SFMBT1: variants seen among roughly 807,000 people sequenced by gnomAD.
The protein encoded by SFMBT1 is Scm like with four mbt domains 1.
In SFMBT1, 32 loss-of-function variants were observed where a neutral mutation model predicts 108.7. The observed-to-expected ratio is 0.29, with a 90% CI of 0.22 to 0.40. The LOEUF (loss-of-function observed/expected upper bound fraction) is 0.40, where lower values mean the gene tolerates loss of function less well. SFMBT1 is among the 10% of genes least tolerant of loss of function. The pLI is 1.00. For synonymous variants in SFMBT1, 348 were observed against 369.5 expected, an observed-to-expected ratio of 0.94 and a Z score of 0.67; for missense variants, 816 against 1,059.6, an observed-to-expected ratio of 0.77 and a Z score of 3.19.
At chr3:52,949,568 C>CTTTTTTT (rs59842273) in intron 3 of SFMBT1, among the ~76,000 whole-genome samples, 8 of 77,390 alleles carry the variant, frequency 1.0e-4, no homozygotes, top group Admixed American at 1.4e-4. Context: ...TAATGTCCTT[C>CTTTTTTT]TTTTTTTTTT....
chr3:53,020,618 G>C (rs180778834), intron 1 of SFMBT1, among the ~76,000 whole-genome samples: 1 of 152,052 alleles, frequency 6.6e-6, no homozygotes, highest in Non-Finnish European at 1.5e-5. Flanking sequence ...TATTAAAGCC[G>C]ATACATGTTT....
At chr3:52,961,449 G>T (rs1194503077) in intron 2 of SFMBT1, among the ~76,000 whole-genome samples, 1 of 151,722 alleles carries the variant, frequency 6.6e-6, no homozygotes, top group Non-Finnish European at 1.5e-5. Context: ...CTACTCAGGG[G>T]GCTGAAGCAA....
rs927406789 is a variant in SFMBT1 at position 52,921,954 on chromosome 3, A to G, written c.1132-123T>C. The stretch of plus-strand genomic sequence containing the variant: ...GGTTTAAAGATAACATTTATTTTGC[A>G]TTGTTTTGCTTTTTAATGAAGCAAA... On this transcript the variant is annotated intron_variant, in intron 10 of 20. Transcript: ENST00000394752. The G allele has an allele frequency of 1.1e-5, 11 of 1,013,566 alleles. No individual in the cohort carries two copies. The African/African-American group carries it at 1.6e-4, about 15-fold the overall frequency. The allele number at this position is 1,013,566 out of a possible 1,614,324, so 62.8% of individuals were successfully genotyped here. A position where few individuals can be genotyped will look rare whatever the true frequency, so the allele number is the denominator to read the frequency against.
chr3:53,040,967 A>ATTTTTTTTTTT (rs1559560284), intron 1 of SFMBT1, among the ~76,000 whole-genome samples: 22 of 72,878 alleles, frequency 3.0e-4, no homozygotes, highest in Non-Finnish European at 4.5e-4. Context: ...AAGACACCTG[A>ATTTTTTTTTTT]ATTTTTTTTT....
At chr3:52,957,245 C>T (rs762226223) in intron 2 of SFMBT1, among the ~76,000 whole-genome samples, 11 of 152,010 alleles carry the variant, frequency 7.2e-5, no homozygotes, top group Non-Finnish European at 1.5e-4. Context: ...GAATAAAATA[C>T]CTAAGAATAC....
intron 4 of SFMBT1, among the ~76,000 whole-genome samples, chr3:52,938,756 T>C (rs999064664): frequency 6.6e-6 from 1 of 152,230 alleles, no homozygotes; most frequent in African/African-American, 2.4e-5. Context: ...AGCTATTATA[T>C]ACCACAGTGT....
intron 1 of SFMBT1, among the ~76,000 whole-genome samples, chr3:53,040,689 T>C (rs1700011195): frequency 6.6e-6 from 1 of 152,026 alleles, no homozygotes; most frequent in South Asian, 2.1e-4. Flanking sequence ...TATCACCTTA[T>C]AGCCTCTCTC....
chr3:52,949,682 G>A (rs899102241), intron 3 of SFMBT1, among the ~76,000 whole-genome samples: 4 of 144,770 alleles, frequency 2.8e-5, no homozygotes, highest in African/African-American at 7.7e-5. Context: ...AGATTCAAGC[G>A]ATTCTCCTGC....
chr3:53,013,232 T>C (rs1699013677), intron 1 of SFMBT1, among the ~76,000 whole-genome samples: 1 of 151,722 alleles, frequency 6.6e-6, no homozygotes, highest in East Asian at 1.9e-4. Context: ...TCATGAAACT[T>C]GCTAAGTTAC....
At chr3:52,917,698 A>G (rs920522265) in intron 13 of SFMBT1, among the ~76,000 whole-genome samples, 3 of 152,194 alleles carry the variant, frequency 2.0e-5, no homozygotes, top group Non-Finnish European at 4.4e-5. Flanking sequence ...AGATTCTCAC[A>G]GGAGTGTGAA....
chr3:53,004,260 C>T (rs765762334), intron 1 of SFMBT1, among the ~76,000 whole-genome samples: 42,551 of 136,058 alleles, frequency 0.31, 8,706 homozygotes, highest in East Asian at 0.54. Flanking sequence ...TTCTTTCTCT[C>T]TCTCTCTCTC....
In SFMBT1 at chr3:52,920,642, T is replaced by C; in HGVS notation, c.1267A>G (p.Lys423Glu). The C allele has an allele frequency of 6.3e-7, 1 of 1,595,076 alleles. No individual in the cohort carries two copies. Among genetic ancestry groups the C allele is most frequent in the Non-Finnish European group, 8.6e-7 (1 of 1,165,318 alleles). The change falls in exon 12 of 21, where the codon AAG becomes GAG. Residue 423 changes from lysine (K) to glutamate (E), a missense_variant. Around this residue, in one of 5 missense-constraint regions of SFMBT1, gnomAD observed 495 missense variants for 607.4 expected, o/e 0.81. Coordinates refer to ENST00000394752, the MANE Select transcript of SFMBT1 (RefSeq NM_016329.4). Reference protein sequence around the residue: ...YLWLQLEGSKKPIPECIVSVE... With the variant: ...YLWLQLEGSKEPIPECIVSVE... ...CTCACAATACATTCAGGTATAGGCT[T>C]CTTAGAACCTGTTTAGATTTAAACA...
chr3:52,937,136 C>T (rs1022667639), intron 4 of SFMBT1, among the ~76,000 whole-genome samples: 1 of 151,966 alleles, frequency 6.6e-6, no homozygotes, highest in Non-Finnish European at 1.5e-5. Flanking sequence ...CCACCACGCC[C>T]GGCCACACAT....
intron 1 of SFMBT1, among the ~76,000 whole-genome samples, chr3:52,984,228 T>C (rs1372148382): frequency 6.6e-6 from 1 of 152,188 alleles, no homozygotes; most frequent in Non-Finnish European, 1.5e-5. Context: ...TATGATTACT[T>C]CCCTCACCAC....
chr3:52,908,072 CTTTTTT>C (rs917544866), intron 17 of SFMBT1, among the ~76,000 whole-genome samples: 1 of 134,508 alleles, frequency 7.4e-6, no homozygotes, highest in Non-Finnish European at 1.6e-5. Context: ...TTGTGTGTGA[CTTTTTT>C]TTTTTTTTTT....
At chr3:53,018,558 T>C (rs1284345765) in intron 1 of SFMBT1, among the ~76,000 whole-genome samples, 1 of 152,164 alleles carries the variant, frequency 6.6e-6, no homozygotes, top group East Asian at 1.9e-4. Flanking sequence ...AGAAAACCCC[T>C]TTGTGCCCTC....
chr3:52,940,822 TAA>T (rs1169217010), intron 4 of SFMBT1, among the ~76,000 whole-genome samples: 1 of 150,960 alleles, frequency 6.6e-6, no homozygotes, highest in African/African-American at 2.4e-5. Context: ...TATACGAACC[TAA>T]TCAAGTGATG....
At chr3:52,949,012 G>C (rs1322008349) in intron 3 of SFMBT1, among the ~76,000 whole-genome samples, 1 of 151,616 alleles carries the variant, frequency 6.6e-6, no homozygotes, top group Non-Finnish European at 1.5e-5. Context: ...TGTTTCTGAT[G>C]TTACTGCATT....
At chr3:52,906,600 A>G (rs1439450739) in intron 19 of SFMBT1, among the ~76,000 whole-genome samples, 1 of 152,236 alleles carries the variant, frequency 6.6e-6, no homozygotes, top group Non-Finnish European at 1.5e-5. Flanking sequence ...GAATATTCTT[A>G]AAAAGCAATC....
Sources: allele counts gnomAD v4.1 joint callset (sites outside exome capture counted in the v4.1 genomes callset), GRCh38; gene constraint gnomAD v4.1.1; regional missense constraint gnomAD v4.1.1; transcripts MANE v1.5; gene names NCBI Gene and HGNC (gene_info 2026-07-23, HGNC 2026-07-21).